The following NCAM1 variants were observed in gnomAD, a reference collection of about 807,000 sequenced individuals.
NCAM1 encodes the protein antigen recognized by monoclonal antibody 5.1H11.
NCAM1 carries 14 observed loss-of-function variants against 109.8 expected under a neutral mutation model. The observed-to-expected ratio is 0.13, with a 90% CI of 0.08 to 0.20. NCAM1 has a LOEUF of 0.20. NCAM1 is among the 10% of genes least tolerant of loss of function. The probability of loss-of-function intolerance (pLI) is 1.00; values close to 1 mark genes in which losing one functional copy is unlikely to be tolerated. For missense variants in NCAM1, 774 were observed against 1,109.9 expected (o/e 0.70, Z 4.30); for synonymous variants, 418 against 442.9 (o/e 0.94, Z 0.70).
At position 113,235,099 on chromosome 11, in the gene NCAM1, C is replaced by T. The variant is rs368426476; in HGVS notation, c.1760C>T (p.Ala587Val). ...GAAACAACGTACGCCGTAAGGCTGG[C>T]GGCGCTCAATGGCAAAGGGCTGGGT... ...KPETTYAVRL[A>V]ALNGKGLGEI... is the part of the protein sequence containing the mutation. Residue 587 changes from alanine (A) to valine (V), a missense_variant, in exon 14 of 20, where the codon GCG becomes GTG. By Grantham distance (64) the Ala-to-Val change is moderately conservative. Coordinates refer to ENST00000316851, the MANE Select transcript of NCAM1 (RefSeq NM_181351.5). 1.6e-4 allele frequency: 253 copies of T among 1,606,014 alleles called. No homozygotes were observed. The highest frequency in any genetic ancestry group is 2.2e-4 in the East Asian group (10 of 44,474).
intron 1 of NCAM1, among the ~76,000 whole-genome samples, chr11:113,050,387 A>G (rs566242337): frequency 6.6e-6 from 1 of 151,758 alleles, no homozygotes; most frequent in South Asian, 2.1e-4. Context: ...TTTTGTCTCA[A>G]TAGCACCAGA....
chr11:113,071,919 T>TGG (rs1362418321), intron 1 of NCAM1, among the ~76,000 whole-genome samples: 10 of 152,194 alleles, frequency 6.6e-5, no homozygotes, highest in African/African-American at 2.4e-4. Flanking sequence ...CCGAAGCAGG[T>TGG]GGACGATTTG....
In NCAM1 at chr11:113,068,440, A is replaced by ATTTT. The variant is rs1565416760; in HGVS notation, c.52+106776_52+106777insTTTT. Among the ~76,000 whole-genome samples the ATTTT allele has an allele frequency of 1.2e-4, 19 of 152,366 alleles. No individual in the cohort carries two copies. In the South Asian group the frequency reaches 1.9e-3, roughly 15 times the overall value. On this transcript the variant is annotated intron_variant, in intron 1 of 19. Coordinates refer to ENST00000316851, the MANE Select transcript of NCAM1 (RefSeq NM_181351.5). Reference sequence around the variant, plus strand: ...TAATTTTGTATAAAACACTTGGCACAGTGCATGGCACCTGGGATGTCCTTA... The same window carrying ATTTT: ...TAATTTTGTATAAAACACTTGGCACATTTTGTGCATGGCACCTGGGATGTCCTTA...
chr11:113,114,656 C>A (rs547418976), intron 1 of NCAM1, among the ~76,000 whole-genome samples: 1 of 152,150 alleles, frequency 6.6e-6, no homozygotes, highest in East Asian at 1.9e-4. Flanking sequence ...TGGTGGAAGG[C>A]CTGAGCCACA....
At chr11:113,089,727 C>CA (rs1939254643) in intron 1 of NCAM1, among the ~76,000 whole-genome samples, 1 of 151,692 alleles carries the variant, frequency 6.6e-6, no homozygotes, top group Non-Finnish European at 1.5e-5. Context: ...GAATGTTTTA[C>CA]AAAAAAAGCA....
At chr11:113,066,412 T>G (rs1555084237) in intron 1 of NCAM1, among the ~76,000 whole-genome samples, 1 of 152,210 alleles carries the variant, frequency 6.6e-6, no homozygotes, top group African/African-American at 2.4e-5. Context: ...TTAAATTAGG[T>G]TAATTTATCT....
chr11:113,207,751 G>T (rs1185700621), intron 6 of NCAM1, 82 bp from the exon 7 acceptor site: 1 of 1,422,172 alleles, frequency 7.0e-7, no homozygotes, highest in East Asian at 2.5e-5. Flanking sequence ...GACTCAGTCT[G>T]CATTCTATGG....
At chr11:113,165,548 A>G (rs1040762954) in intron 1 of NCAM1, among the ~76,000 whole-genome samples, 1 of 152,112 alleles carries the variant, frequency 6.6e-6, no homozygotes, top group Admixed American at 6.5e-5. Context: ...AACCTTTGAG[A>G]CATCTGGTCG....
chr11:113,177,318 C>T (rs2136531541), intron 1 of NCAM1, among the ~76,000 whole-genome samples: 1 of 152,284 alleles, frequency 6.6e-6, no homozygotes, highest in South Asian at 2.1e-4. Flanking sequence ...GCTGCTGCTG[C>T]CATCCTACCT....
chr11:113,229,809 C>T (rs1425747953), intron 9 of NCAM1, among the ~76,000 whole-genome samples: 2 of 152,146 alleles, frequency 1.3e-5, no homozygotes, highest in Non-Finnish European at 2.9e-5. Context: ...TGGAAACCAT[C>T]GTTCTCAGCA....
chr11:113,150,237 TATATC>T (rs1942177450), intron 1 of NCAM1, among the ~76,000 whole-genome samples: 1 of 152,234 alleles, frequency 6.6e-6, no homozygotes, highest in Admixed American at 6.5e-5. Context: ...TATTAATTAA[TATATC>T]AAGCAATGTA....
Position 112,962,870 on chromosome 11 carries a change from G to T in NCAM1, c.52+1206G>T, listed in dbSNP as rs990351370. Reference sequence around the variant, plus strand: ...GTGGGTTGGGCGGACATTCTGGGCGGGGGGCGTGTGCTGGGAAGCGATCGA... The same window carrying T: ...GTGGGTTGGGCGGACATTCTGGGCGTGGGGCGTGTGCTGGGAAGCGATCGA... On this transcript the variant is annotated intron_variant, in intron 1 of 19. Coordinates refer to ENST00000316851, the MANE Select transcript of NCAM1 (RefSeq NM_181351.5). The surrounding 1 kb of genome is among the most constrained non-coding windows in gnomAD (Gnocchi z 5.6). 2.0e-5 allele frequency among the ~76,000 whole-genome samples: 3 copies of T among 152,108 alleles called. No homozygotes were observed. The highest frequency in any genetic ancestry group is 4.4e-5 in the Non-Finnish European group (3 of 67,992).
intron 1 of NCAM1, among the ~76,000 whole-genome samples, chr11:113,037,260 A>G (rs782181669): frequency 6.6e-6 from 1 of 152,230 alleles, no homozygotes; most frequent in Non-Finnish European, 1.5e-5. Context: ...GAAGCAATTG[A>G]AGCTCGGAAA....
chr11:113,175,293 C>T (rs1555106847), intron 1 of NCAM1, among the ~76,000 whole-genome samples: 3 of 152,276 alleles, frequency 2.0e-5, no homozygotes, highest in Admixed American at 6.5e-5. Flanking sequence ...CAAGAGATGG[C>T]GGCTGTGTGT....
At chr11:113,271,725 G>T in intron 18 of NCAM1, 35 bp from the exon 19 acceptor site, 1 of 1,510,494 alleles carries the variant, frequency 6.6e-7, no homozygotes, top group Middle Eastern at 1.7e-4. Flanking sequence ...CCCTGCAGCT[G>T]CCCTAGGGTC....
At chr11:112,998,108 T>A (rs1388690618) in intron 1 of NCAM1, among the ~76,000 whole-genome samples, 1 of 152,178 alleles carries the variant, frequency 6.6e-6, no homozygotes, top group Admixed American at 6.5e-5. Flanking sequence ...GTGAGGAACT[T>A]GAGGCCCAGA....
intron 1 of NCAM1, among the ~76,000 whole-genome samples, chr11:113,028,642 C>G (rs1424100072): frequency 6.6e-6 from 1 of 152,168 alleles, no homozygotes; most frequent in African/African-American, 2.4e-5. Flanking sequence ...TCTAGTGAAT[C>G]AAACAGTGTA....
At chr11:112,993,530 A>T (rs2134860082) in intron 1 of NCAM1, among the ~76,000 whole-genome samples, 1 of 152,308 alleles carries the variant, frequency 6.6e-6, no homozygotes, top group East Asian at 1.9e-4. Flanking sequence ...ATGTCTCTTG[A>T]TTCCTCATTT....
chr11:113,255,479 C>T (rs1268722021), intron 15 of NCAM1, among the ~76,000 whole-genome samples: 1 of 151,066 alleles, frequency 6.6e-6, no homozygotes, highest in Non-Finnish European at 1.5e-5. Context: ...GTTTCCTACT[C>T]AAACACTTCT....
Sources: allele counts gnomAD v4.1 joint callset (sites outside exome capture counted in the v4.1 genomes callset), GRCh38; gene constraint gnomAD v4.1.1; non-coding constraint Gnocchi (gnomAD v3.1); transcripts MANE v1.5; gene names NCBI Gene and HGNC (gene_info 2026-07-23, HGNC 2026-07-21).